Variants in MYO16 observed in about 807,000 individuals in gnomAD.
The protein encoded by MYO16 is unconventional myosin-XVI.
Under a neutral mutation model 205.3 loss-of-function variants are expected in MYO16, and 94 were observed. That is an observed-to-expected ratio of 0.46 (90% confidence interval 0.39 to 0.54). The LOEUF (loss-of-function observed/expected upper bound fraction) is 0.54. Ranked by LOEUF, MYO16 falls within the 20% of genes least tolerant of loss-of-function variation. The pLI is 0.00. For synonymous variants in MYO16, 988 were observed against 954.0 expected (o/e 1.04, Z -0.66); for missense variants, 2,315 against 2,387.5 (o/e 0.97, Z 0.63).
At chr13:108,792,688 T>G (rs1886653911) in intron 5 of MYO16, among the ~76,000 whole-genome samples, 1 of 152,058 alleles carries the variant, frequency 6.6e-6, no homozygotes, top group Non-Finnish European at 1.5e-5. Context: ...ATGTTTGTAC[T>G]TTTATTAGAG....
At chr13:108,568,086 C>G in the MYO16 span, among the ~76,000 whole-genome samples, 1 of 152,066 alleles carries the variant, frequency 6.6e-6, no homozygotes, top group Non-Finnish European at 1.5e-5. Context: ...TAGAGATAAA[C>G]CATATTTTAT....
At chr13:109,144,705 T>C (rs1254320261) in intron 32 of MYO16, among the ~76,000 whole-genome samples, 4 of 152,240 alleles carry the variant, frequency 2.6e-5, no homozygotes, top group Admixed American at 2.6e-4. Flanking sequence ...CTAAAGTTCA[T>C]TTTTTGTTCA....
chr13:108,710,242 G>A (rs1383620915), intron 2 of MYO16, among the ~76,000 whole-genome samples: 2 of 152,174 alleles, frequency 1.3e-5, no homozygotes, highest in East Asian at 1.9e-4. Context: ...TAAATGACAC[G>A]AACTTACAAT....
chr13:108,967,848 C>T (rs2139381252), intron 20 of MYO16, among the ~76,000 whole-genome samples: 1 of 152,218 alleles, frequency 6.6e-6, no homozygotes, highest in East Asian at 1.9e-4. Flanking sequence ...AAATGGGAAG[C>T]ACTGCTCACA....
chr13:108,865,529 T>A (rs890132319), intron 11 of MYO16, among the ~76,000 whole-genome samples: 1 of 152,086 alleles, frequency 6.6e-6, no homozygotes, highest in Non-Finnish European at 1.5e-5. Context: ...CCTTTTTTTT[T>A]AGTCTATATG....
chr13:109,083,605 A>T (rs4773024), intron 27 of MYO16, among the ~76,000 whole-genome samples: 83,412 of 151,808 alleles, frequency 0.55, 23,284 homozygotes, highest in Non-Finnish European at 0.6. Context: ...AAATACCAAG[A>T]ATCAAAAGCT....
the MYO16 span, among the ~76,000 whole-genome samples, chr13:108,502,503 A>G: frequency 6.6e-6 from 1 of 152,228 alleles, no homozygotes; most frequent in African/African-American, 2.4e-5. Context: ...ATTGAATTAT[A>G]CATAAAAATT....
upstream of MYO16, among the ~76,000 whole-genome samples, chr13:108,626,215 T>C (rs1054355567): frequency 6.6e-6 from 1 of 152,284 alleles, no homozygotes; most frequent in East Asian, 1.9e-4. Context: ...AGCAGCTGTA[T>C]GGTGTATAAA....
At chr13:108,518,481 A>G in the MYO16 span, among the ~76,000 whole-genome samples, 1 of 152,204 alleles carries the variant, frequency 6.6e-6, no homozygotes, top group East Asian at 1.9e-4. Context: ...CTCCTTTTCC[A>G]GGAAGGCAGG....
chr13:109,141,193 C>A lies in MYO16; in HGVS notation c.4981C>A (p.Pro1661Thr). ...CTCCTTCCCCAAGATCCCATATTCC[C>A]CCGTGAAGGCCACCAGGGCGGACGC... is the stretch of plus-strand genomic sequence containing the variant. ...CSSFPKIPYS[P>T]VKATRADARK... is the part of the protein sequence containing the mutation. Residue 1661 changes from proline (P) to threonine (T), a missense_variant, in exon 32 of 35, where the codon CCC becomes ACC. By Grantham distance (38) the Pro-to-Thr change is conservative. Transcript: ENST00000457511. The surrounding 1 kb of genome is among the most constrained non-coding windows in gnomAD (Gnocchi z 4.1). The A allele has an allele frequency of 1.2e-6, 2 of 1,607,474 alleles. No individual in the cohort carries two copies. Among genetic ancestry groups the A allele is most frequent in the Non-Finnish European group, 1.7e-6 (2 of 1,176,828 alleles).
At chr13:108,792,677 A>C (rs1013267460) in intron 5 of MYO16, among the ~76,000 whole-genome samples, 8 of 152,044 alleles carry the variant, frequency 5.3e-5, no homozygotes, top group Middle Eastern at 6.8e-3. Context: ...ACAACCAGCT[A>C]ATGTTTGTAC....
chr13:108,811,146 A>G (rs1887279141), intron 7 of MYO16, among the ~76,000 whole-genome samples: 1 of 152,130 alleles, frequency 6.6e-6, no homozygotes, highest in African/African-American at 2.4e-5. Flanking sequence ...GAATCTAAGT[A>G]TTTTTGTTTC....
chr13:109,108,544 T>C (rs747604674), intron 28 of MYO16, among the ~76,000 whole-genome samples: 17 of 152,208 alleles, frequency 1.1e-4, no homozygotes, highest in Admixed American at 6.5e-4. Context: ...GATTGACTGA[T>C]TCAACAAGCA....
At chr13:108,921,998 A>G (rs928625768) in intron 16 of MYO16, among the ~76,000 whole-genome samples, 2 of 152,184 alleles carry the variant, frequency 1.3e-5, no homozygotes, top group South Asian at 2.1e-4. Flanking sequence ...ATTGTTATGC[A>G]AAAGTTATGA....
chr13:108,732,109 T>A (rs561093971), intron 4 of MYO16, among the ~76,000 whole-genome samples: 3 of 152,310 alleles, frequency 2.0e-5, no homozygotes, highest in Admixed American at 6.5e-5. Context: ...AAAAGATAAA[T>A]GTATTTTACT....
chr13:109,131,840 C>T (rs372441416), intron 31 of MYO16, among the ~76,000 whole-genome samples: 5 of 152,216 alleles, frequency 3.3e-5, no homozygotes, highest in African/African-American at 7.2e-5. Flanking sequence ...AGACGGTTAA[C>T]ATTCTCTCGA....
intron 14 of MYO16, among the ~76,000 whole-genome samples, chr13:108,897,747 G>A (rs911436742): frequency 7.2e-5 from 11 of 152,112 alleles, no homozygotes; most frequent in Non-Finnish European, 1.3e-4. Context: ...TGTAGAGAAT[G>A]GCTTTCCTTC....
chr13:109,161,568 G>A (rs181044259), intron 32 of MYO16, among the ~76,000 whole-genome samples: 414 of 152,286 alleles, frequency 2.7e-3, no homozygotes, highest in Non-Finnish European at 4.6e-3. Context: ...ATATACACCT[G>A]GGTGATGGTA....
At chr13:108,572,041 T>TAA in the MYO16 span, among the ~76,000 whole-genome samples, 6 of 151,788 alleles carry the variant, frequency 4.0e-5, no homozygotes, top group South Asian at 1.3e-3. Context: ...TGCCTCAGCC[T>TAA]CCTGAGTAGC....
Sources: allele counts gnomAD v4.1 joint callset (sites outside exome capture counted in the v4.1 genomes callset), GRCh38; gene constraint gnomAD v4.1.1; non-coding constraint Gnocchi (gnomAD v3.1); transcripts MANE v1.5; gene names NCBI Gene and HGNC (gene_info 2026-07-23, HGNC 2026-07-21).